Variants in NFIB observed in about 807,000 individuals in gnomAD.
NFIB encodes nuclear factor 1 B-type.
NFIB carries 11 observed loss-of-function variants against 61.5 expected under a neutral mutation model. That is an observed-to-expected ratio of 0.18 (90% CI 0.11 to 0.30). The LOEUF is 0.30. NFIB is among the 10% of genes least tolerant of loss of function. The pLI is 1.00. For missense variants in NFIB, 471 were observed against 608.9 expected (o/e 0.77, Z 2.38); for synonymous variants, 260 against 216.5 (o/e 1.20, Z -1.76).
intron 2 of NFIB, among the ~76,000 whole-genome samples, chr9:14,221,045 C>A (rs1459425225): frequency 6.6e-6 from 1 of 152,130 alleles, no homozygotes; most frequent in Non-Finnish European, 1.5e-5. Flanking sequence ...AACTCTGCAT[C>A]CTGAGGTCAA....
chr9:14,374,867 G>A (rs60854392), intron 1 of NFIB, among the ~76,000 whole-genome samples: 2,951 of 152,052 alleles, frequency 0.019, 93 homozygotes, highest in African/African-American at 0.068. Context: ...ACAAGATTGC[G>A]CCACTGCACT....
intron 2 of NFIB, among the ~76,000 whole-genome samples, chr9:14,266,803 G>T (rs1347609320): frequency 1.3e-5 from 2 of 151,662 alleles, no homozygotes; most frequent in African/African-American, 4.9e-5. Context: ...CATTCCTGTT[G>T]TTTCTGTTCT....
chr9:14,404,818 A>G, the NFIB span, among the ~76,000 whole-genome samples: 1 of 152,148 alleles, frequency 6.6e-6, no homozygotes, highest in East Asian at 1.9e-4. Context: ...CAGCAACATA[A>G]TGACAGTATC....
the NFIB span, among the ~76,000 whole-genome samples, chr9:14,481,120 C>G: frequency 6.8e-6 from 1 of 147,384 alleles, no homozygotes; most frequent in Admixed American, 6.9e-5. Context: ...AGAAGTTGCT[C>G]TCATCCAATG....
At chr9:14,387,329 T>G (rs2061560913) in intron 1 of NFIB, among the ~76,000 whole-genome samples, 1 of 152,224 alleles carries the variant, frequency 6.6e-6, no homozygotes, top group Non-Finnish European at 1.5e-5. Context: ...TACTAAAATA[T>G]TATTACTATG....
chr9:14,243,813 A>G (rs1298748601), intron 2 of NFIB, among the ~76,000 whole-genome samples: 1 of 152,204 alleles, frequency 6.6e-6, no homozygotes, highest in Non-Finnish European at 1.5e-5. Context: ...ATGTGGGAGT[A>G]AAATGACTGA....
At chr9:14,358,665 C>T (rs2132938663) in intron 1 of NFIB, among the ~76,000 whole-genome samples, 1 of 152,306 alleles carries the variant, frequency 6.6e-6, no homozygotes, top group South Asian at 2.1e-4. Context: ...ACCACACACC[C>T]TATTTCCAGT....
chr9:14,496,765 C>T, the NFIB span, among the ~76,000 whole-genome samples: 65 of 152,284 alleles, frequency 4.3e-4, no homozygotes, highest in Middle Eastern at 0.01. Flanking sequence ...AGATTTCTCC[C>T]CAAGAAGTAT....
At chr9:14,417,781 T>TTC in the NFIB span, among the ~76,000 whole-genome samples, 2 of 141,752 alleles carry the variant, frequency 1.4e-5, no homozygotes, top group East Asian at 4.1e-4. Context: ...ACAGTTTTTT[T>TTC]TTTTTTTTTT....
chr9:14,082,198 A>G lies in NFIB; in HGVS notation c.*6111T>C, dbSNP rs558183912. ...AAGGTTTGTTACATGGAGATTGTGC[A>G]TGTGCCTCCTTTTGTAAAAAAATTT... On this transcript the variant is annotated 3_prime_UTR_variant, in exon 11 of 11. Coordinates refer to ENST00000380953, the MANE Select transcript of NFIB (RefSeq NM_001190737.2). 1 of 205,912 alleles carries G rather than the reference A, an allele frequency of 4.9e-6. No homozygotes were observed. Among genetic ancestry groups the G allele is most frequent in the African/African-American group, 2.3e-5 (1 of 43,928 alleles). 12.8% of individuals were successfully genotyped at this position (205,912 alleles called of 1,614,324 possible). A position where few individuals can be genotyped will look rare whatever the true frequency, so the allele number is the denominator to read the frequency against.
chr9:14,511,406 T>G, the NFIB span, among the ~76,000 whole-genome samples: 1 of 152,148 alleles, frequency 6.6e-6, no homozygotes, highest in Non-Finnish European at 1.5e-5. Context: ...TTATATAATT[T>G]TAATTTTTAT....
intron 2 of NFIB, among the ~76,000 whole-genome samples, chr9:14,198,043 C>T (rs972531743): frequency 6.6e-6 from 1 of 152,122 alleles, no homozygotes; most frequent in Non-Finnish European, 1.5e-5. Flanking sequence ...TACACGTTGC[C>T]CCCTATATTC....
chr9:14,113,905 A>C lies in NFIB; in HGVS notation c.1385-824T>G, dbSNP rs1010794584. 3.5e-3 allele frequency among the ~76,000 whole-genome samples: 526 copies of C among 152,222 alleles called. 2 individuals carry two copies. Among genetic ancestry groups the C allele is most frequent in the African/African-American group, 0.012 (501 of 41,514 alleles). On this transcript the variant is annotated intron_variant, in intron 9 of 10. Transcript: ENST00000380953. ...TAGAGTAAATTTTTCACACACACAAAAAAAAAATGAATAGGGAGCTACTCC... is the reference window on the plus strand; with the variant it reads ...TAGAGTAAATTTTTCACACACACAACAAAAAAATGAATAGGGAGCTACTCC...
At chr9:14,349,365 A>C (rs2061077441) in intron 1 of NFIB, among the ~76,000 whole-genome samples, 1 of 152,098 alleles carries the variant, frequency 6.6e-6, no homozygotes, top group Non-Finnish European at 1.5e-5. Flanking sequence ...TCTGCAACGG[A>C]GCCCGCCCGA....
intron 1 of NFIB, among the ~76,000 whole-genome samples, chr9:14,345,488 G>C (rs914036374): frequency 2.0e-5 from 3 of 152,146 alleles, no homozygotes; most frequent in African/African-American, 7.2e-5. Flanking sequence ...TGCAATCAAA[G>C]GGTCTGAGGC....
chr9:14,123,747 T>C (rs1444654521), intron 7 of NFIB, among the ~76,000 whole-genome samples: 1 of 152,044 alleles, frequency 6.6e-6, no homozygotes, highest in Admixed American at 6.6e-5. Flanking sequence ...GCCTCCCAGT[T>C]TGCCCCTCTT....
intron 2 of NFIB, among the ~76,000 whole-genome samples, chr9:14,252,148 A>C (rs1022387770): frequency 6.6e-6 from 1 of 152,184 alleles, no homozygotes; most frequent in African/African-American, 2.4e-5. Context: ...GAATTAAAAA[A>C]CAAGATCCAC....
At chr9:14,127,106 T>C (rs1449137575) in intron 6 of NFIB, among the ~76,000 whole-genome samples, 1 of 152,190 alleles carries the variant, frequency 6.6e-6, no homozygotes, top group African/African-American at 2.4e-5. Context: ...GAAATAAGAA[T>C]CATGATAGAA....
intron 6 of NFIB, among the ~76,000 whole-genome samples, chr9:14,141,145 T>A (rs1253871390): frequency 6.6e-6 from 1 of 152,180 alleles, no homozygotes. Context: ...AGCACAACAG[T>A]TAAGACTACC....
Sources: gnomAD v4.1 joint callset for allele counts (sites outside exome capture counted in the v4.1 genomes callset) on GRCh38, gnomAD v4.1.1 for gene constraint, MANE v1.5 for transcripts, NCBI Gene and HGNC (gene_info 2026-07-23, HGNC 2026-07-21) for gene names.